PLXNA4: variants seen among roughly 807,000 people sequenced by gnomAD.
PLXNA4 encodes the protein plexin-A4.
PLXNA4 carries 44 observed loss-of-function variants against 191.8 expected under a neutral mutation model. The observed-to-expected ratio is 0.23, with a 90% CI of 0.18 to 0.29. PLXNA4 has a LOEUF of 0.29. Ranked by LOEUF, PLXNA4 falls within the 10% of genes least tolerant of loss-of-function variation. The pLI, the probability that PLXNA4 is intolerant of heterozygous loss-of-function variation, is 1.00. For missense variants in PLXNA4, 1,800 were observed against 2,488.8 expected, an observed-to-expected ratio of 0.72 and a Z score of 5.89; for synonymous variants, 1,082 against 1,009.5, an observed-to-expected ratio of 1.07 and a Z score of -1.36.
At chr7:132,457,374 T>A (rs1796351774) in intron 3 of PLXNA4, among the ~76,000 whole-genome samples, 1 of 152,244 alleles carries the variant, frequency 6.6e-6, no homozygotes, top group African/African-American at 2.4e-5. Context: ...AAACACATCT[T>A]AAGTCATCTC....
intron 3 of PLXNA4, among the ~76,000 whole-genome samples, chr7:132,385,625 G>A (rs994103229): frequency 1.7e-4 from 26 of 152,180 alleles, no homozygotes; most frequent in African/African-American, 6.0e-4. Context: ...AGGACAGGAT[G>A]CCTCACCTAT....
intron 3 of PLXNA4, among the ~76,000 whole-genome samples, chr7:132,344,796 G>C (rs1038368790): frequency 1.3e-5 from 2 of 152,146 alleles, no homozygotes; most frequent in Non-Finnish European, 2.9e-5. Flanking sequence ...CAGTTGAGAA[G>C]GTCTTGCCTC....
intron 30 of PLXNA4, among the ~76,000 whole-genome samples, chr7:132,136,184 C>T (rs912962893): frequency 3.9e-5 from 6 of 152,218 alleles, no homozygotes; most frequent in South Asian, 2.1e-4. Flanking sequence ...GCCGGGTGAA[C>T]CTTGCTTCCT....
intron 3 of PLXNA4, chr7:132,384,251 C>T (rs1585062097): frequency 1.0e-6 from 1 of 985,446 alleles, no homozygotes; most frequent in Non-Finnish European, 1.2e-6. Flanking sequence ...CAGAACAAAT[C>T]TACAGCACTT....
chr7:132,371,432 A>G (rs939127085), intron 3 of PLXNA4, among the ~76,000 whole-genome samples: 2 of 152,124 alleles, frequency 1.3e-5, no homozygotes, highest in Non-Finnish European at 2.9e-5. Flanking sequence ...CTAATCTCAA[A>G]TCACTTCTTG....
rs924793053 is a variant in PLXNA4, at chr7:132,494,667, C to T, written c.1189-5193G>A. ...AATAGCTTATGGCGCTTCCCTCGTG[C>T]ACCGCAGCAAAGGTTACCGTGCAAT... On this transcript the variant is annotated intron_variant, in intron 2 of 31. Coordinates refer to ENST00000321063, the MANE Select transcript of PLXNA4 (RefSeq NM_020911.2). Among the ~76,000 whole-genome samples the T allele has an allele frequency of 8.5e-5, 13 of 152,304 alleles. No homozygotes were observed. The East Asian group carries it at 2.5e-3, about 29-fold the overall frequency.
intron 3 of PLXNA4, among the ~76,000 whole-genome samples, chr7:132,396,579 C>T (rs1170671036): frequency 6.6e-6 from 1 of 152,210 alleles, no homozygotes; most frequent in Non-Finnish European, 1.5e-5. Flanking sequence ...CAACCTCCGC[C>T]TCCCAGGTTC....
At position 132,508,206 on chromosome 7, in the gene PLXNA4, A is replaced by C. The variant is rs1798562009; in HGVS notation, c.488T>G (p.Val163Gly). The change falls in exon 2 of 32, where the codon GTC becomes GGC. Residue 163 changes from valine to glycine, a missense_variant. Physicochemically the swap from Val to Gly is moderately radical, Grantham distance 109. Transcript: ENST00000321063. This position sits in a 1 kb window ranked among gnomAD's most constrained non-coding sequence, Gnocchi z 4.4. ...TCCAAAGACTGAGCCGCTCTCGTTGACACCTGACAGATAGTGCTCCTTCTT... is the reference window on the plus strand; with the variant it reads ...TCCAAAGACTGAGCCGCTCTCGTTGCCACCTGACAGATAGTGCTCCTTCTT... ...YHKKEHYLSGVNESGSVFGVI... is the reference protein window; with the variant it reads ...YHKKEHYLSGGNESGSVFGVI... 5 of 1,614,174 alleles carry C rather than the reference A, an allele frequency of 3.1e-6. No individual in the cohort carries two copies. The highest frequency in any genetic ancestry group is 4.2e-6 in the Non-Finnish European group (5 of 1,180,032).
intron 1 of PLXNA4, among the ~76,000 whole-genome samples, chr7:132,513,823 C>G (rs1264684774): frequency 3.3e-5 from 5 of 151,706 alleles, no homozygotes; most frequent in Non-Finnish European, 7.4e-5. Flanking sequence ...TACAGGTGCC[C>G]ACCACCATGC....
intron 3 of PLXNA4, among the ~76,000 whole-genome samples, chr7:132,426,856 T>C (rs551587711): frequency 6.6e-6 from 1 of 152,298 alleles, no homozygotes; most frequent in Non-Finnish European, 1.5e-5. Context: ...AGAATTTAAA[T>C]TAAATTTAAC....
intron 4 of PLXNA4, among the ~76,000 whole-genome samples, chr7:132,251,143 A>G (rs1799235459): frequency 6.6e-6 from 1 of 151,700 alleles, no homozygotes; most frequent in Non-Finnish European, 1.5e-5. Flanking sequence ...AAAATAATAC[A>G]TAAGTTAAAA....
At chr7:132,552,647 A>G (rs1800612536) in intron 1 of PLXNA4, among the ~76,000 whole-genome samples, 1 of 152,194 alleles carries the variant, frequency 6.6e-6, no homozygotes, top group Admixed American at 6.5e-5. Context: ...TGATTACCCG[A>G]GCCGCTGCTC....
chr7:132,505,573 C>A (rs946805688), intron 2 of PLXNA4, among the ~76,000 whole-genome samples: 1 of 152,150 alleles, frequency 6.6e-6, no homozygotes, highest in East Asian at 1.9e-4. Flanking sequence ...TACATGTATG[C>A]ATGTATGGGT....
intron 2 of PLXNA4, 128 bp from the exon 3 acceptor site, chr7:132,489,602 T>C (rs1314199046): frequency 2.2e-6 from 2 of 899,030 alleles, no homozygotes; most frequent in Non-Finnish European, 3.2e-6. Context: ...CCCTCTTTTT[T>C]ACATGAAAAA....
At chr7:132,256,921 C>T (rs927141446) in intron 4 of PLXNA4, among the ~76,000 whole-genome samples, 1 of 152,194 alleles carries the variant, frequency 6.6e-6, no homozygotes, top group Non-Finnish European at 1.5e-5. Flanking sequence ...CACTGGACAG[C>T]TGTACATGGC....
upstream of PLXNA4, among the ~76,000 whole-genome samples, chr7:132,578,137 G>T (rs544255081): frequency 6.6e-6 from 1 of 152,116 alleles, no homozygotes; most frequent in African/African-American, 2.4e-5. Flanking sequence ...ATGGGGAGTG[G>T]GTGGCACTAC....
intron 1 of PLXNA4, among the ~76,000 whole-genome samples, chr7:132,533,988 T>C (rs1295577904): frequency 2.0e-5 from 3 of 151,922 alleles, no homozygotes; most frequent in African/African-American, 7.3e-5. Flanking sequence ...ACAAAGGCAA[T>C]GAGATTCAAA....
At chr7:132,602,895 G>A (rs1802847795) in intron 2 of PLXNA4, among the ~76,000 whole-genome samples, 1 of 151,720 alleles carries the variant, frequency 6.6e-6, no homozygotes, top group Non-Finnish European at 1.5e-5. Context: ...ATGCCATCGG[G>A]AAGTGTTAGT....
chr7:132,130,557 G>A lies in PLXNA4; in HGVS notation c.5607C>T (p.Asp1869=), dbSNP rs1458371341. The A allele has an allele frequency of 1.2e-6, 2 of 1,614,108 alleles. No homozygotes were observed. Among genetic ancestry groups the A allele is most frequent in the Non-Finnish European group, 1.7e-6 (2 of 1,180,004 alleles). Residue 1869 remains aspartate, a synonymous_variant, in exon 32 of 32, where the codon GAC becomes GAT. Coordinates refer to ENST00000321063, the MANE Select transcript of PLXNA4 (RefSeq NM_020911.2). ...TCTGCTTCCCACACTGGTCATCGTGGTCCAGAGGTCCAAGGATCTGCGGAA... is the reference window on the plus strand; with the variant it reads ...TCTGCTTCCCACACTGGTCATCGTGATCCAGAGGTCCAAGGATCTGCGGAA... ...KYSEEILGPL[D]HDDQCGKQKL...
Sources: gnomAD v4.1 joint callset for allele counts (sites outside exome capture counted in the v4.1 genomes callset) on GRCh38, gnomAD v4.1.1 for gene constraint, Gnocchi (gnomAD v3.1) non-coding constraint, MANE v1.5 for transcripts, NCBI Gene and HGNC (gene_info 2026-07-23, HGNC 2026-07-21) for gene names.